KIAA1217: variants seen among roughly 807,000 people sequenced by gnomAD.
The protein encoded by KIAA1217 is KIAA1217, also known as sickle tail protein homolog.
In KIAA1217, 88 loss-of-function variants were observed where a neutral mutation model predicts 163.9. The observed-to-expected ratio is 0.54, with a 90% confidence interval of 0.45 to 0.64. The LOEUF (loss-of-function observed/expected upper bound fraction) is 0.64. Ranked by LOEUF, KIAA1217 falls within the 30% of genes least tolerant of loss-of-function variation. The pLI, the probability that KIAA1217 is intolerant of heterozygous loss-of-function variation, is 0.00. For synonymous variants in KIAA1217, 903 were observed against 923.1 expected, an observed-to-expected ratio of 0.98 and a Z score of 0.39; for missense variants, 2,372 against 2,475.0, an observed-to-expected ratio of 0.96 and a Z score of 0.88.
chr10:23,833,958 A>G (rs1301973212), intron 1 of KIAA1217, among the ~76,000 whole-genome samples: 1 of 152,074 alleles, frequency 6.6e-6, no homozygotes, highest in Non-Finnish European at 1.5e-5. Flanking sequence ...GTGGTTTATA[A>G]ACATAGTTTA....
chr10:24,403,334 G>C (rs558486886), intron 3 of KIAA1217, among the ~76,000 whole-genome samples: 1 of 152,280 alleles, frequency 6.6e-6, no homozygotes, highest in South Asian at 2.1e-4. Flanking sequence ...TGCCACCCGG[G>C]TTCGAGCAAT....
chr10:23,892,829 T>C (rs1478982097), intron 1 of KIAA1217, among the ~76,000 whole-genome samples: 1 of 151,910 alleles, frequency 6.6e-6, no homozygotes, highest in Non-Finnish European at 1.5e-5. Context: ...TTAAAATAAG[T>C]AATGCCATCA....
intron 17 of KIAA1217, among the ~76,000 whole-genome samples, chr10:24,538,503 T>C (rs1248094157): frequency 7.5e-6 from 1 of 133,914 alleles, no homozygotes; most frequent in Non-Finnish European, 1.5e-5. Flanking sequence ...CATAGTGAGA[T>C]GAAAGAAAGA....
At chr10:23,983,967 CA>C (rs1363078628) in intron 1 of KIAA1217, among the ~76,000 whole-genome samples, 2 of 152,158 alleles carry the variant, frequency 1.3e-5, no homozygotes, top group African/African-American at 2.4e-5. Flanking sequence ...GTAAAAGAGG[CA>C]GAGATTAAAT....
Position 23,851,839 on chromosome 10 carries a change from C to T in KIAA1217, c.-320-155386C>T, listed in dbSNP as rs555053533. 1.1e-3 allele frequency among the ~76,000 whole-genome samples: 164 copies of T among 151,696 alleles called. 3 individuals are homozygous for T. In the East Asian group the frequency reaches 0.012, roughly 11 times the overall value. On this transcript the variant is annotated intron_variant, in intron 1 of 18. Coordinates refer to the KIAA1217 transcript ENST00000376462. ...TTGAGAAGTGTCTGTTCATGTCCTTCGCCCACTTTTTGATGGGGTTGTTTG... is the reference window on the plus strand; with the variant it reads ...TTGAGAAGTGTCTGTTCATGTCCTTTGCCCACTTTTTGATGGGGTTGTTTG...
chr10:23,737,473 G>A (rs1049961123), intron 1 of KIAA1217, among the ~76,000 whole-genome samples: 1 of 152,006 alleles, frequency 6.6e-6, no homozygotes, highest in African/African-American at 2.4e-5. Flanking sequence ...GATTACAGGT[G>A]TGAGTCACCC....
intron 2 of KIAA1217, among the ~76,000 whole-genome samples, chr10:24,015,091 C>T (rs1032026626): frequency 2.0e-5 from 3 of 152,080 alleles, no homozygotes; most frequent in African/African-American, 7.2e-5. Flanking sequence ...TTGCTACAAC[C>T]ATGCCACTCT....
intron 1 of KIAA1217, among the ~76,000 whole-genome samples, chr10:23,802,398 G>T (rs1462097065): frequency 6.6e-6 from 1 of 152,196 alleles, no homozygotes; most frequent in African/African-American, 2.4e-5. Context: ...CCACATGAAT[G>T]TTCCAATAAA....
intron 2 of KIAA1217, among the ~76,000 whole-genome samples, chr10:24,126,189 G>A (rs1020811459): frequency 6.6e-6 from 1 of 152,042 alleles, no homozygotes; most frequent in Admixed American, 6.6e-5. Context: ...TATGCTCTCT[G>A]TTTCTTAACT....
At chr10:24,234,420 T>C (rs2071894348) in intron 2 of KIAA1217, among the ~76,000 whole-genome samples, 1 of 151,842 alleles carries the variant, frequency 6.6e-6, no homozygotes, top group South Asian at 2.1e-4. Context: ...TCCCAACACT[T>C]TGGGAGGCTA....
At chr10:23,964,912 T>C (rs80243467) in intron 1 of KIAA1217, among the ~76,000 whole-genome samples, 4,050 of 152,268 alleles carry the variant, frequency 0.027, 68 homozygotes, top group Non-Finnish European at 0.043. Context: ...CCACCCATAA[T>C]AGTTGAATTC....
chr10:24,089,411 A>G (rs1173372461), intron 2 of KIAA1217, among the ~76,000 whole-genome samples: 2 of 124,628 alleles, frequency 1.6e-5, no homozygotes, highest in African/African-American at 5.0e-5. Context: ...TTTTCTTCTA[A>G]GGTTTTTATG....
intron 2 of KIAA1217, among the ~76,000 whole-genome samples, chr10:24,203,601 C>G (rs910568883): frequency 6.8e-6 from 1 of 146,670 alleles, no homozygotes; most frequent in Non-Finnish European, 1.5e-5. Context: ...TGAGAAATGG[C>G]AGAGGAGAAG....
intron 2 of KIAA1217, among the ~76,000 whole-genome samples, chr10:24,108,854 CTA>C (rs2062731201): frequency 6.6e-6 from 1 of 152,154 alleles, no homozygotes; most frequent in Admixed American, 6.5e-5. Context: ...TGTTTCGAGA[CTA>C]TGTTTCACTC....
chr10:23,823,739 G>A (rs1837735607), intron 1 of KIAA1217, among the ~76,000 whole-genome samples: 1 of 152,128 alleles, frequency 6.6e-6, no homozygotes, highest in African/African-American at 2.4e-5. Flanking sequence ...TTCAATAAGA[G>A]TGACTAAAAT....
chr10:24,049,474 G>A (rs188939849), intron 2 of KIAA1217, among the ~76,000 whole-genome samples: 2 of 152,052 alleles, frequency 1.3e-5, no homozygotes, highest in African/African-American at 4.8e-5. Context: ...TTGTTACATA[G>A]GTATAGACAT....
chr10:24,535,364 TG>T, intron 16 of KIAA1217, among the ~76,000 whole-genome samples: 1 of 152,290 alleles, frequency 6.6e-6, no homozygotes, highest in African/African-American at 2.4e-5. Flanking sequence ...GGACCAGTGT[TG>T]GAATGTTTAC....
intron 1 of KIAA1217, among the ~76,000 whole-genome samples, chr10:23,825,220 A>G (rs1348199545): frequency 6.6e-6 from 1 of 152,220 alleles, no homozygotes; most frequent in Non-Finnish European, 1.5e-5. Context: ...TCCACTTGTA[A>G]TATATCATTG....
At chr10:23,949,618 T>A (rs1844237076) in intron 1 of KIAA1217, among the ~76,000 whole-genome samples, 1 of 152,158 alleles carries the variant, frequency 6.6e-6, no homozygotes, top group Admixed American at 6.5e-5. Context: ...AAGATTAATT[T>A]TTATGATATT....
Sources: allele counts gnomAD v4.1 joint callset (sites outside exome capture counted in the v4.1 genomes callset), GRCh38; gene constraint gnomAD v4.1.1; transcripts MANE v1.5; gene names NCBI Gene and HGNC (gene_info 2026-07-23, HGNC 2026-07-21).